Variants in ICE2 observed in about 807,000 individuals in gnomAD.
ICE2 encodes little elongation complex subunit 2.
In ICE2, 87 loss-of-function variants were observed where a neutral mutation model predicts 105.4. The observed-to-expected ratio is 0.83, with a 90% CI of 0.69 to 0.99. The LOEUF (loss-of-function observed/expected upper bound fraction) is 0.99. Ranked by LOEUF, ICE2 falls within the 50% of genes least tolerant of loss-of-function variation. ICE2 has a pLI of 0.00. For synonymous variants in ICE2, 399 were observed against 392.0 expected (o/e 1.02, Z -0.21); for missense variants, 1,323 against 1,146.7 (o/e 1.15, Z -2.22).
chr15:60,445,783 T>A (rs2063809802), intron 11 of ICE2: 27 of 985,212 alleles, frequency 2.7e-5, no homozygotes, highest in Admixed American at 6.2e-5. Flanking sequence ...AATTTCTAAG[T>A]GCTGTAAGCT....
At chr15:60,442,259 C>T (rs2063734554) in intron 12 of ICE2, 157 bp downstream of exon 12, 1 of 625,026 alleles carries the variant, frequency 1.6e-6, no homozygotes. Context: ...CATGACTATA[C>T]TCCAGCCTGG....
At position 60,422,148 on chromosome 15, in the gene ICE2, CTTT is replaced by C. The variant is rs1010728820; in HGVS notation, c.*1483_*1485del. 1 of 145,124 alleles carries C rather than the reference CTTT, an allele frequency of 6.9e-6. No homozygotes were observed. 9.0% of individuals were successfully genotyped at this position (145,124 alleles called of 1,614,324 possible). A position where few individuals can be genotyped will look rare whatever the true frequency, so the allele number is the denominator to read the frequency against. ...ACAAGCCTGTCCTGTTTTTTTTTTT[CTTT>C]GAGACAGGGTCACACTCTGATACTC... On this transcript the variant is annotated 3_prime_UTR_variant, in exon 16 of 16. Coordinates refer to ENST00000261520, the MANE Select transcript of ICE2 (RefSeq NM_024611.6).
chr15:60,448,348 C>G (rs1301992712), intron 10 of ICE2, among the ~76,000 whole-genome samples: 1 of 152,112 alleles, frequency 6.6e-6, no homozygotes, highest in Non-Finnish European at 1.5e-5. Context: ...CTTTAAGGTT[C>G]TTCTCCTTTT....
At chr15:60,452,066 T>C (rs1566989721) in intron 9 of ICE2, 1 of 984,796 alleles carries the variant, frequency 1.0e-6, no homozygotes, top group East Asian at 1.1e-4. Context: ...CCACTGTCAA[T>C]TTTCATCCCT....
intron 3 of ICE2, among the ~76,000 whole-genome samples, chr15:60,471,328 G>C (rs958392447): frequency 2.6e-5 from 4 of 152,198 alleles, no homozygotes; most frequent in Non-Finnish European, 5.9e-5. Context: ...ATTAACTGCT[G>C]ATCTTGGGAG....
At chr15:60,475,918 A>G (rs2064748032) in intron 3 of ICE2, 145 bp downstream of exon 3, 1 of 542,684 alleles carries the variant, frequency 1.8e-6, no homozygotes, top group Non-Finnish European at 3.3e-6. Flanking sequence ...TGAAGGTCTG[A>G]AAAGATAAAT....
intron 12 of ICE2, among the ~76,000 whole-genome samples, chr15:60,436,833 T>TGTA (rs1566975053): frequency 6.6e-6 from 1 of 152,018 alleles, no homozygotes; most frequent in Non-Finnish European, 1.5e-5. Flanking sequence ...TTAATACATA[T>TGTA]TAACATAATT....
chr15:60,420,818 C>T lies in ICE2; in HGVS notation c.*2816G>A, dbSNP rs1171905583. 1 of 152,088 alleles carries T rather than the reference C, an allele frequency of 6.6e-6. No individual in the cohort carries two copies. Among genetic ancestry groups the T allele is most frequent in the East Asian group, 1.9e-4 (1 of 5,198 alleles). 9.4% of individuals were successfully genotyped at this position (152,088 alleles called of 1,614,324 possible). On this transcript the variant is annotated 3_prime_UTR_variant, in exon 16 of 16. Coordinates refer to ENST00000261520, the MANE Select transcript of ICE2 (RefSeq NM_024611.6). Reference sequence around the variant, plus strand: ...ATCACATAAAGCAGTATAGTGTCTTCCACTAGAATGTGATCTCCTGAAAAA... The same window carrying T: ...ATCACATAAAGCAGTATAGTGTCTTTCACTAGAATGTGATCTCCTGAAAAA...
chr15:60,449,852 T>G lies in ICE2; in HGVS notation c.1126-11A>C. The G allele has an allele frequency of 6.3e-7, 1 of 1,591,086 alleles. No individual in the cohort carries two copies. Among genetic ancestry groups the G allele is most frequent in the East Asian group, 2.2e-5 (1 of 44,778 alleles). ...GACTTCACAGGACATCTTATGTAAA[T>G]AAATTGGTAAAGTATTAGTAAAAAT... On this transcript the variant is annotated splice_polypyrimidine_tract_variant and intron_variant, in intron 9 of 15. Coordinates refer to ENST00000261520, the MANE Select transcript of ICE2 (RefSeq NM_024611.6).
chr15:60,477,949 G>C lies in ICE2; in HGVS notation c.29C>G (p.Pro10Arg). 6.2e-7 allele frequency: 1 copy of C among 1,613,880 alleles called. No homozygotes were observed. Among genetic ancestry groups the C allele is most frequent in the African/African-American group, 1.3e-5 (1 of 75,004 alleles). Residue 10 changes from proline (P) to arginine (R), a missense_variant, in exon 2 of 16, where the codon CCA (proline) becomes CGA (arginine). Transcript: ENST00000261520. MSSKMVISE[P>R]GLNWDISPKN... ...GGCTACAACTCACCAATTCAGTCCT[G>C]GTTCACTTATGACCATCTTGGAGCT... is the stretch of plus-strand genomic sequence containing the variant.
chr15:60,437,713 G>A (rs181986033), intron 12 of ICE2: 7 of 151,966 alleles, frequency 4.6e-5, no homozygotes, highest in African/African-American at 1.2e-4. Context: ...GTGCAGCAGC[G>A]AGATCCTGGC....
In ICE2 at chr15:60,449,717, G is replaced by C. The variant is rs1318051312; in HGVS notation, c.1250C>G (p.Pro417Arg). 3 of 1,614,046 alleles carry C rather than the reference G, an allele frequency of 1.9e-6. No individual in the cohort carries two copies. Among genetic ancestry groups the C allele is most frequent in the Middle Eastern group, 1.7e-4 (1 of 6,036 alleles). Residue 417 changes from proline to arginine, a missense_variant, in exon 10 of 16, where the codon CCA (proline) becomes CGA (arginine). Transcript: ENST00000261520. ...GVTTTKVSKS[P>R]SPASTSTVPN... is the part of the protein sequence containing the mutation. ...TACTGTGGAAGTACTTGCTGGACTT[G>C]GTGATTTTGATACTTTGGTGGTGGT...
At chr15:60,463,592 G>A (rs1383120506) in intron 5 of ICE2, among the ~76,000 whole-genome samples, 1 of 152,158 alleles carries the variant, frequency 6.6e-6, no homozygotes, top group East Asian at 1.9e-4. Context: ...GGCCAATACG[G>A]TGAAACCCCA....
At chr15:60,459,524 A>G (rs1421133173) in intron 5 of ICE2, among the ~76,000 whole-genome samples, 2 of 152,204 alleles carry the variant, frequency 1.3e-5, no homozygotes, top group African/African-American at 4.8e-5. Flanking sequence ...TCTAGAATAC[A>G]TAGGTTTTCA....
chr15:60,463,382 T>C (rs151256063), intron 5 of ICE2, among the ~76,000 whole-genome samples: 11 of 152,136 alleles, frequency 7.2e-5, no homozygotes, highest in Non-Finnish European at 1.6e-4. Flanking sequence ...GAAATGAAAA[T>C]GAATGAACTA....
At position 60,453,627 on chromosome 15, in the gene ICE2, A is replaced by T; in HGVS notation, c.1101T>A (p.Pro367=). 6.2e-7 allele frequency: 1 copy of T among 1,613,458 alleles called. No homozygotes were observed. Among genetic ancestry groups the T allele is most frequent in the Non-Finnish European group, 8.5e-7 (1 of 1,179,490 alleles). The part of the protein sequence containing the change: ...VPVSAVFMDK[P]EEFISEMDMS... Reference sequence around the variant, plus strand: ...CGTCCATTTCAGATATAAACTCTTCAGGTTTGTCCATAAAGACTGCAGAGA... The same window carrying T: ...CGTCCATTTCAGATATAAACTCTTCTGGTTTGTCCATAAAGACTGCAGAGA... The change falls in exon 9 of 16, where the codon CCT becomes CCA. Residue 367 remains proline (P), a synonymous_variant. Coordinates refer to ENST00000261520, the MANE Select transcript of ICE2 (RefSeq NM_024611.6).
chr15:60,433,637 C>T (rs1308731257), intron 13 of ICE2, among the ~76,000 whole-genome samples: 2 of 151,866 alleles, frequency 1.3e-5, no homozygotes, highest in Non-Finnish European at 2.9e-5. Context: ...ATTGCAGGTG[C>T]CCACCACCAC....
At position 60,449,455 on chromosome 15, in the gene ICE2, T is replaced by C; in HGVS notation, c.1512A>G (p.Gln504=). The change falls in exon 10 of 16, where the codon CAA becomes CAG. Residue 504 remains glutamine, a synonymous_variant. Transcript: ENST00000261520. Reference sequence around the variant, plus strand: ...CATCAGATGTTTTCAAGTCACTATCTTGTATCAAAGGCTTGTCAGAATTTG... The same window carrying C: ...CATCAGATGTTTTCAAGTCACTATCCTGTATCAAAGGCTTGTCAGAATTTG... ...KVSNSDKPLI[Q]DSDLKTSDAL... 1 of 1,614,148 alleles carries C rather than the reference T, an allele frequency of 6.2e-7. No individual in the cohort carries two copies. The highest frequency in any genetic ancestry group is 1.3e-5 in the African/African-American group (1 of 75,064).
chr15:60,421,996 G>C lies in ICE2; in HGVS notation c.*1638C>G, dbSNP rs1036486106. The C allele has an allele frequency of 6.0e-5, 5 of 83,810 alleles. No individual in the cohort carries two copies. The highest frequency in any genetic ancestry group is 1.5e-4 in the African/African-American group (5 of 33,808). The allele number at this position is 83,810 out of a possible 1,614,324, so 5.2% of individuals were successfully genotyped here. ...TCTCAGAAATTAGGCCAAAAGAATAGCTATTCTTTACACAGAATAGCTAAA... is the reference window on the plus strand; with the variant it reads ...TCTCAGAAATTAGGCCAAAAGAATACCTATTCTTTACACAGAATAGCTAAA... On this transcript the variant is annotated 3_prime_UTR_variant, in exon 16 of 16. Transcript: ENST00000261520.
Sources: allele counts gnomAD v4.1 joint callset (sites outside exome capture counted in the v4.1 genomes callset), GRCh38; gene constraint gnomAD v4.1.1; transcripts MANE v1.5; gene names NCBI Gene and HGNC (gene_info 2026-07-23, HGNC 2026-07-21).